Variants in R3HCC1L observed in about 807,000 individuals in gnomAD.
R3HCC1L encodes coiled-coil domain-containing protein R3HCC1L.
A neutral mutation model predicts 59.9 loss-of-function variants in R3HCC1L; 51 were observed. The observed-to-expected ratio is 0.85, with a 90% CI of 0.68 to 1.07. R3HCC1L has a LOEUF of 1.07. Ranked by LOEUF, R3HCC1L falls within the 50% of genes least tolerant of loss-of-function variation. The pLI is 0.00. For missense variants in R3HCC1L, 965 were observed against 933.0 expected, an observed-to-expected ratio of 1.03 and a Z score of -0.45; for synonymous variants, 322 against 315.2, an observed-to-expected ratio of 1.02 and a Z score of -0.23.
chr10:98,240,125 G>A (rs1263641856), intron 9 of R3HCC1L, among the ~76,000 whole-genome samples: 5 of 152,070 alleles, frequency 3.3e-5, no homozygotes, highest in Non-Finnish European at 7.4e-5. Context: ...GGCCAACATG[G>A]TGAAACCCTG....
At chr10:98,134,825 T>G (rs1446365681) in intron 1 of R3HCC1L, 119 bp downstream of exon 1, 1 of 152,268 alleles carries the variant, frequency 6.6e-6, no homozygotes, top group African/African-American at 2.4e-5. Context: ...TGGTATTTTT[T>G]TTCCTCATGT....
chr10:98,207,685 T>C (rs1284128560), intron 4 of R3HCC1L, among the ~76,000 whole-genome samples: 2 of 151,746 alleles, frequency 1.3e-5, no homozygotes, highest in Non-Finnish European at 2.9e-5. Flanking sequence ...ATATTTATGT[T>C]GAACAACAAC....
intron 1 of R3HCC1L, among the ~76,000 whole-genome samples, chr10:98,153,007 G>A (rs1373061450): frequency 1.4e-5 from 2 of 146,804 alleles, no homozygotes; most frequent in African/African-American, 2.5e-5. Flanking sequence ...GCCCGCCTCC[G>A]CCCGGCCGCC....
At chr10:98,150,334 T>C (rs1050316548) in intron 1 of R3HCC1L, among the ~76,000 whole-genome samples, 1 of 152,222 alleles carries the variant, frequency 6.6e-6, no homozygotes, top group African/African-American at 2.4e-5. Context: ...CTTGGCTCCC[T>C]GTTTGCTGTT....
chr10:98,143,920 C>T (rs1289438248), intron 1 of R3HCC1L, among the ~76,000 whole-genome samples: 4 of 151,972 alleles, frequency 2.6e-5, no homozygotes, highest in Admixed American at 6.6e-5. Flanking sequence ...GTTTATTACC[C>T]TATTCTGTTT....
chr10:98,239,331 T>G (rs1857282226), intron 9 of R3HCC1L, among the ~76,000 whole-genome samples: 1 of 152,222 alleles, frequency 6.6e-6, no homozygotes, highest in Admixed American at 6.5e-5. Flanking sequence ...ACATTCTTTC[T>G]TGGTGAGTTT....
rs565196938 is a variant in R3HCC1L, at chr10:98,139,124, G to T, written c.-268+4418G>T. The stretch of plus-strand genomic sequence containing the variant: ...ACAGCAAAGCTAATTGGCCAGCATG[G>T]AGTTTGAGTCTGTGACCTTGTCCTC... On this transcript the variant is annotated intron_variant, in intron 1 of 9. Coordinates refer to ENST00000298999, the MANE Select transcript of R3HCC1L (RefSeq NM_001351015.2). Among the ~76,000 whole-genome samples the T allele has an allele frequency of 3.3e-5, 5 of 152,264 alleles. No homozygotes were observed. In the South Asian group the frequency reaches 1.0e-3, roughly 32 times the overall value.
chr10:98,196,570 T>C (rs560213653), intron 4 of R3HCC1L, among the ~76,000 whole-genome samples: 57 of 152,280 alleles, frequency 3.7e-4, no homozygotes, highest in Middle Eastern at 3.4e-3. Flanking sequence ...AATTTTTGTA[T>C]TTTTTGTAGA....
At chr10:98,147,049 T>G (rs987342508) in intron 1 of R3HCC1L, among the ~76,000 whole-genome samples, 21 of 152,296 alleles carry the variant, frequency 1.4e-4, no homozygotes, top group African/African-American at 4.8e-4. Flanking sequence ...TTCCCCTTTC[T>G]CCATATCCTC....
chr10:98,150,210 T>C (rs1846010930), intron 1 of R3HCC1L, among the ~76,000 whole-genome samples: 1 of 152,252 alleles, frequency 6.6e-6, no homozygotes, highest in Non-Finnish European at 1.5e-5. Flanking sequence ...CTGTGTTATC[T>C]TGGTGATCAC....
At chr10:98,158,151 C>T (rs1343556835) in intron 2 of R3HCC1L, among the ~76,000 whole-genome samples, 2 of 152,116 alleles carry the variant, frequency 1.3e-5, no homozygotes, top group Non-Finnish European at 2.9e-5. Context: ...CCACTATTAA[C>T]AGATCAGTGT....
intron 2 of R3HCC1L, among the ~76,000 whole-genome samples, chr10:98,160,401 G>A (rs1847294613): frequency 6.6e-6 from 1 of 152,114 alleles, no homozygotes; most frequent in South Asian, 2.1e-4. Flanking sequence ...AGTTTATGTT[G>A]ATTATGTGTT....
chr10:98,158,074 A>C (rs1031710104), intron 2 of R3HCC1L, among the ~76,000 whole-genome samples: 1 of 152,208 alleles, frequency 6.6e-6, no homozygotes, highest in Non-Finnish European at 1.5e-5. Context: ...TTGTAAGAAA[A>C]CTAGAATACG....
At chr10:98,213,717 TA>T (rs1158598641) in intron 5 of R3HCC1L, among the ~76,000 whole-genome samples, 1 of 152,210 alleles carries the variant, frequency 6.6e-6, no homozygotes, top group Non-Finnish European at 1.5e-5. Flanking sequence ...TAGATTTATT[TA>T]AAAAATTGAA....
chr10:98,152,455 T>C (rs1404614497), intron 1 of R3HCC1L, among the ~76,000 whole-genome samples: 1 of 136,614 alleles, frequency 7.3e-6, no homozygotes, highest in Admixed American at 7.6e-5. Flanking sequence ...GGCTGCCCAA[T>C]CTGGGAAGTG....
intron 4 of R3HCC1L, among the ~76,000 whole-genome samples, chr10:98,179,658 C>G (rs572896744): frequency 6.6e-6 from 1 of 152,172 alleles, no homozygotes; most frequent in South Asian, 2.1e-4. Flanking sequence ...CCCTTTGTAC[C>G]TCTGGTAGAA....
chr10:98,221,416 G>T (rs1318969809), intron 5 of R3HCC1L, among the ~76,000 whole-genome samples: 3 of 149,250 alleles, frequency 2.0e-5, no homozygotes, highest in Non-Finnish European at 4.5e-5. Context: ...GGCTTTTGTT[G>T]CCATTGCTTT....
At chr10:98,239,779 C>G (rs1316684026) in intron 9 of R3HCC1L, among the ~76,000 whole-genome samples, 1 of 152,120 alleles carries the variant, frequency 6.6e-6, no homozygotes, top group African/African-American at 2.4e-5. Flanking sequence ...CTCTCTGCAG[C>G]CTCAACGTCC....
intron 4 of R3HCC1L, among the ~76,000 whole-genome samples, chr10:98,167,437 T>C (rs1343426073): frequency 6.6e-6 from 1 of 152,244 alleles, no homozygotes; most frequent in African/African-American, 2.4e-5. Flanking sequence ...TACGGAGCTG[T>C]AGCTATTTCT....
Sources: gnomAD v4.1 joint callset for allele counts (sites outside exome capture counted in the v4.1 genomes callset) on GRCh38, gnomAD v4.1.1 for gene constraint, MANE v1.5 for transcripts, NCBI Gene and HGNC (gene_info 2026-07-23, HGNC 2026-07-21) for gene names.